The following SLC15A5 variants were observed in gnomAD, a reference collection of about 807,000 sequenced individuals.
The protein encoded by SLC15A5 is Peptide/histidine transporter ENSP00000340402.
A neutral mutation model predicts 56.1 loss-of-function variants in SLC15A5; 58 were observed. The observed-to-expected ratio is 1.03, with a 90% CI of 0.84 to 1.29. The LOEUF is 1.29. Among genes scored for constraint, SLC15A5 ranks in the 50% most tolerant of loss-of-function variants. The pLI is 0.00. For synonymous variants in SLC15A5, 264 were observed against 250.5 expected (o/e 1.05, Z -0.51); for missense variants, 681 against 672.1 (o/e 1.01, Z -0.15).
chr12:16,244,131 A>T (rs1864438988), intron 4 of SLC15A5, among the ~76,000 whole-genome samples: 1 of 152,194 alleles, frequency 6.6e-6, no homozygotes, highest in Admixed American at 6.5e-5. Flanking sequence ...TCACTTGCTC[A>T]TTAGTACTTA....
chr12:16,262,042 C>G (rs1006700714), intron 2 of SLC15A5, among the ~76,000 whole-genome samples: 1 of 152,036 alleles, frequency 6.6e-6, no homozygotes, highest in Admixed American at 6.5e-5. Flanking sequence ...AATTGTTTCT[C>G]AGAAATCATT....
At chr12:16,258,451 T>A (rs1163581736) in intron 2 of SLC15A5, among the ~76,000 whole-genome samples, 1 of 151,772 alleles carries the variant, frequency 6.6e-6, no homozygotes, top group Non-Finnish European at 1.5e-5. Context: ...CCCAGTAGTC[T>A]GGTTTGCAAG....
intron 3 of SLC15A5, among the ~76,000 whole-genome samples, chr12:16,256,950 A>ATAGATAGATAGATAGT (rs1166047909): frequency 2.5e-4 from 35 of 142,338 alleles, no homozygotes; most frequent in African/African-American, 9.0e-4. Context: ...AGATAGATAG[A>ATAGATAGATAGATAGT]TAGTTTCTGG....
chr12:16,249,348 A>G (rs959270662), intron 3 of SLC15A5, among the ~76,000 whole-genome samples: 15 of 152,114 alleles, frequency 9.9e-5, no homozygotes, highest in African/African-American at 3.4e-4. Flanking sequence ...CAATTTAGTC[A>G]TCAGAAAGAA....
intron 7 of SLC15A5, among the ~76,000 whole-genome samples, chr12:16,209,780 G>C (rs975661624): frequency 2.0e-5 from 3 of 151,904 alleles, no homozygotes; most frequent in African/African-American, 7.3e-5. Flanking sequence ...CATTCACTTC[G>C]CTCCATCTGC....
chr12:16,272,902 A>G, intron 1 of SLC15A5, 119 bp from the exon 2 acceptor site: 1 of 882,776 alleles, frequency 1.1e-6, no homozygotes. Flanking sequence ...TTATCCAAAC[A>G]TTTATGGTAG....
intron 7 of SLC15A5, among the ~76,000 whole-genome samples, chr12:16,198,570 C>G (rs1283862406): frequency 6.6e-6 from 1 of 152,122 alleles, no homozygotes; most frequent in Non-Finnish European, 1.5e-5. Context: ...TTTAATGCAA[C>G]TACCACTTTT....
intron 4 of SLC15A5, 40 bp from the exon 5 acceptor site, chr12:16,239,907 G>T (rs910094984): frequency 6.7e-7 from 1 of 1,500,488 alleles, no homozygotes; most frequent in Non-Finnish European, 8.9e-7. Context: ...TAAGACAGGG[G>T]TTTAACTTTG....
intron 4 of SLC15A5, among the ~76,000 whole-genome samples, chr12:16,244,007 A>T (rs1011525907): frequency 8.5e-5 from 13 of 152,232 alleles, no homozygotes; most frequent in Non-Finnish European, 1.6e-4. Flanking sequence ...CATTAAAAAA[A>T]TTTAAAATCA....
chr12:16,219,780 T>C (rs557767589), intron 6 of SLC15A5, among the ~76,000 whole-genome samples: 1 of 152,306 alleles, frequency 6.6e-6, no homozygotes, highest in South Asian at 2.1e-4. Context: ...CCGAGATATT[T>C]CTTTTAGCCC....
chr12:16,224,631 A>C (rs1479099567), intron 5 of SLC15A5, 29 bp from the exon 6 acceptor site: 1 of 1,511,722 alleles, frequency 6.6e-7, no homozygotes, highest in Non-Finnish European at 8.8e-7. Flanking sequence ...AAAGAAAAAA[A>C]AGTTAAACGA....
At position 16,194,382 on chromosome 12, in the gene SLC15A5, A is replaced by G. The variant is rs1863874136; in HGVS notation, c.1555T>C (p.Leu519=). Residue 519 remains leucine, a synonymous_variant, in exon 8 of 9, where the codon TTG becomes CTG. Coordinates refer to ENST00000344941, the MANE Select transcript of SLC15A5 (RefSeq NM_001170798.1). ...CTGCAGAATCCCAGGACGTTCAACAATGTTAATGATGCCAGGAAGAAGAAG... is the reference window on the plus strand; with the variant it reads ...CTGCAGAATCCCAGGACGTTCAACAGTGTTAATGATGCCAGGAAGAAGAAG... ...SFFFFLASLT[L]LNVLGFCSVS... The G allele has an allele frequency of 6.5e-7, 1 of 1,535,372 alleles. No homozygotes were observed. The highest frequency in any genetic ancestry group is 8.7e-7 in the Non-Finnish European group (1 of 1,145,520).
At chr12:16,257,098 T>C (rs1288605177) in intron 3 of SLC15A5, among the ~76,000 whole-genome samples, 3 of 152,066 alleles carry the variant, frequency 2.0e-5, no homozygotes, top group Non-Finnish European at 2.9e-5. Context: ...TAAGAAATTT[T>C]CTTCCTCCAC....
At position 16,209,282 on chromosome 12, in the gene SLC15A5, A is replaced by G. The variant is rs146145963; in HGVS notation, c.1483+7611T>C. On this transcript the variant is annotated intron_variant, in intron 7 of 8. Coordinates refer to ENST00000344941, the MANE Select transcript of SLC15A5 (RefSeq NM_001170798.1). ...TATATACATACATATACACACATAT[A>G]TGTGTGTATATATACATATATAGTT... 8.9e-3 allele frequency among the ~76,000 whole-genome samples: 1,356 copies of G among 152,112 alleles called. 21 individuals carry two copies. The highest frequency in any genetic ancestry group is 0.031 in the African/African-American group (1,306 of 41,490).
At chr12:16,198,232 T>G (rs1344897144) in intron 7 of SLC15A5, among the ~76,000 whole-genome samples, 1 of 152,174 alleles carries the variant, frequency 6.6e-6, no homozygotes, top group Non-Finnish European at 1.5e-5. Context: ...TTTGTTCATT[T>G]GAAAGTCATT....
intron 6 of SLC15A5, among the ~76,000 whole-genome samples, chr12:16,221,198 T>G (rs765799903): frequency 2.2e-4 from 33 of 152,344 alleles, no homozygotes; most frequent in South Asian, 4.1e-4. Context: ...GATCACCTAT[T>G]TTGTATATGT....
Position 16,194,472 on chromosome 12 carries a change from A to G in SLC15A5, c.1484-19T>C, listed in dbSNP as rs919857614. 2.8e-6 allele frequency: 4 copies of G among 1,453,938 alleles called. No individual in the cohort carries two copies. The Admixed American group carries it at 6.0e-5, about 22-fold the overall frequency. 90.1% of individuals were successfully genotyped at this position (1,453,938 alleles called of 1,614,324 possible). ...CAATTGCCTGTTTGGAACAAATGTAATTGTTATTCAACTGCAGAGTTGTAA... is the reference window on the plus strand; with the variant it reads ...CAATTGCCTGTTTGGAACAAATGTAGTTGTTATTCAACTGCAGAGTTGTAA... On this transcript the variant is annotated intron_variant, in intron 7 of 8. Coordinates refer to ENST00000344941, the MANE Select transcript of SLC15A5 (RefSeq NM_001170798.1).
In SLC15A5 at chr12:16,242,385, C is replaced by T. The variant is rs1565668248; in HGVS notation, c.975+2195G>A. Among the ~76,000 whole-genome samples the T allele has an allele frequency of 5.2e-5, 3 of 58,022 alleles. No individual in the cohort carries two copies. In the Admixed American group the frequency reaches 5.4e-4, roughly 10 times the overall value. The allele number at this position is 58,022 out of a possible 152,430, so 38.1% of individuals were successfully genotyped here. A position where few individuals can be genotyped will look rare whatever the true frequency, so the allele number is the denominator to read the frequency against. ...TGTATCAGGGACTTTTAACCCAATG[C>T]AAGAGTGATATTGAGGATAATAAAG... On this transcript the variant is annotated intron_variant, in intron 4 of 8. Transcript: ENST00000344941.
chr12:16,250,169 A>G (rs940940075), intron 3 of SLC15A5, among the ~76,000 whole-genome samples: 12 of 152,042 alleles, frequency 7.9e-5, no homozygotes, highest in Admixed American at 3.3e-4. Flanking sequence ...ATTTAATTAT[A>G]TTATGTCTCA....
Sources: gnomAD v4.1 joint callset for allele counts (sites outside exome capture counted in the v4.1 genomes callset) on GRCh38, gnomAD v4.1.1 for gene constraint, MANE v1.5 for transcripts, NCBI Gene and HGNC (gene_info 2026-07-23, HGNC 2026-07-21) for gene names.